Variants in ROBO1 observed in about 807,000 individuals in gnomAD.
ROBO1 encodes roundabout guidance receptor 1.
In ROBO1, 149 loss-of-function variants were observed where a neutral mutation model predicts 195.9. That is an observed-to-expected ratio of 0.76 (90% confidence interval 0.67 to 0.87). The LOEUF (loss-of-function observed/expected upper bound fraction) is 0.87, where lower values mean the gene tolerates loss of function less well. Ranked by LOEUF, ROBO1 falls within the 40% of genes least tolerant of loss-of-function variation. The pLI is 0.00. For missense variants in ROBO1, 1,933 were observed against 2,068.3 expected (o/e 0.93, Z 1.27); for synonymous variants, 816 against 733.2 (o/e 1.11, Z -1.82).
chr3:79,577,777 T>C (rs1943538892), intron 2 of ROBO1, among the ~76,000 whole-genome samples: 2 of 150,160 alleles, frequency 1.3e-5, no homozygotes, highest in African/African-American at 4.9e-5. Flanking sequence ...CTGGGCATGG[T>C]GGCGGGAGCC....
intron 4 of ROBO1, among the ~76,000 whole-genome samples, chr3:78,854,166 C>T (rs986804514): frequency 2.2e-4 from 33 of 151,476 alleles, no homozygotes; most frequent in Admixed American, 6.6e-4. Flanking sequence ...GTGGGCATGC[C>T]CTGTAAATTT....
chr3:78,884,524 G>C (rs331188), intron 4 of ROBO1, among the ~76,000 whole-genome samples: 47,325 of 150,600 alleles, frequency 0.31, 7,631 homozygotes, highest in Middle Eastern at 0.36. Flanking sequence ...GACTGAGATG[G>C]GAGGATTGCC....
intron 2 of ROBO1, among the ~76,000 whole-genome samples, chr3:79,229,783 T>A (rs2082289822): frequency 1.3e-5 from 2 of 152,128 alleles, no homozygotes; most frequent in Non-Finnish European, 2.9e-5. Context: ...AAAGGCAATT[T>A]TTAGCTTCTT....
intron 3 of ROBO1, among the ~76,000 whole-genome samples, chr3:78,942,387 A>G (rs1185732389): frequency 2.0e-5 from 3 of 152,200 alleles, no homozygotes; most frequent in East Asian, 1.9e-4. Context: ...CAAGATATTA[A>G]TTCATAAAAT....
At chr3:78,847,700 C>T (rs578173097) in intron 4 of ROBO1, among the ~76,000 whole-genome samples, 84 of 152,136 alleles carry the variant, frequency 5.5e-4, no homozygotes, top group African/African-American at 9.6e-4. Flanking sequence ...CCTATTATTA[C>T]GATTATTTTA....
chr3:79,287,025 CT>C (rs1418789091), intron 2 of ROBO1, among the ~76,000 whole-genome samples: 1 of 152,022 alleles, frequency 6.6e-6, no homozygotes, highest in Admixed American at 6.6e-5. Flanking sequence ...CATATATGTC[CT>C]TTTGTGTGTC....
intron 2 of ROBO1, among the ~76,000 whole-genome samples, chr3:79,140,750 CA>C (rs1345568424): frequency 1.3e-5 from 2 of 152,140 alleles, no homozygotes; most frequent in African/African-American, 4.8e-5. Context: ...AATAATGCAT[CA>C]GTTAAAATTC....
chr3:78,860,168 T>C (rs1392256393), intron 4 of ROBO1, among the ~76,000 whole-genome samples: 1 of 150,696 alleles, frequency 6.6e-6, no homozygotes, highest in Admixed American at 6.6e-5. Context: ...GATAGATAGA[T>C]AGATAGATAG....
chr3:79,148,347 AGGAGCT>A (rs1487296157), intron 2 of ROBO1, among the ~76,000 whole-genome samples: 1 of 151,854 alleles, frequency 6.6e-6, no homozygotes, highest in Non-Finnish European at 1.5e-5. Context: ...TAAAAATTAA[AGGAGCT>A]GGGAGAGGTG....
At chr3:79,481,696 T>C (rs2107383028) in intron 2 of ROBO1, among the ~76,000 whole-genome samples, 1 of 152,308 alleles carries the variant, frequency 6.6e-6, no homozygotes, top group Non-Finnish European at 1.5e-5. Flanking sequence ...TGATCTCTAG[T>C]TGTCATTTTG....
chr3:78,695,418 G>T (rs573807470), intron 8 of ROBO1, among the ~76,000 whole-genome samples: 1 of 152,168 alleles, frequency 6.6e-6, no homozygotes, highest in East Asian at 1.9e-4. Context: ...GAAGTCAGGA[G>T]ATCGAGACCA....
At chr3:78,952,802 G>T (rs371003586) in intron 3 of ROBO1, among the ~76,000 whole-genome samples, 5 of 151,878 alleles carry the variant, frequency 3.3e-5, no homozygotes, top group Non-Finnish European at 7.4e-5. Flanking sequence ...ATGCCATTTC[G>T]CTCAGCTACT....
chr3:79,391,559 ACTAT>A (rs2036951749), intron 2 of ROBO1, among the ~76,000 whole-genome samples: 1 of 152,010 alleles, frequency 6.6e-6, no homozygotes, highest in Non-Finnish European at 1.5e-5. Flanking sequence ...CCATCCCAAC[ACTAT>A]CTTTTATCTC....
chr3:79,556,698 T>C (rs895431575), intron 2 of ROBO1, among the ~76,000 whole-genome samples: 1 of 151,986 alleles, frequency 6.6e-6, no homozygotes, highest in South Asian at 2.1e-4. Context: ...ATATAAAAAT[T>C]AGTAAAACAC....
chr3:79,059,410 C>T (rs1007444778), intron 3 of ROBO1, among the ~76,000 whole-genome samples: 4 of 151,962 alleles, frequency 2.6e-5, no homozygotes, highest in African/African-American at 9.7e-5. Flanking sequence ...GTTTAATCGG[C>T]TTATCTTTAC....
intron 1 of ROBO1, among the ~76,000 whole-genome samples, chr3:79,646,813 G>A (rs970966851): frequency 3.3e-5 from 5 of 152,050 alleles, no homozygotes; most frequent in African/African-American, 1.2e-4. Context: ...AAGCACAGAA[G>A]ACAAATATCA....
intron 2 of ROBO1, among the ~76,000 whole-genome samples, chr3:79,447,152 T>A (rs1379875111): frequency 6.6e-6 from 1 of 152,012 alleles, no homozygotes; most frequent in Non-Finnish European, 1.5e-5. Context: ...TGATTACAGG[T>A]GTGAGCCACT....
intron 2 of ROBO1, among the ~76,000 whole-genome samples, chr3:79,468,803 G>A (rs77398203): frequency 0.011 from 1,628 of 152,196 alleles, 29 homozygotes; most frequent in African/African-American, 0.037. Flanking sequence ...TGATTGCTTA[G>A]GGAAGCTCTT....
intron 5 of ROBO1, among the ~76,000 whole-genome samples, chr3:78,725,800 C>T (rs1576029199): frequency 6.6e-6 from 1 of 152,000 alleles, no homozygotes; most frequent in African/African-American, 2.4e-5. Context: ...TTGGGTTATC[C>T]GAGAGTACAC....
Sources: gnomAD v4.1 joint callset for allele counts (sites outside exome capture counted in the v4.1 genomes callset) on GRCh38, gnomAD v4.1.1 for gene constraint, MANE v1.5 for transcripts, NCBI Gene and HGNC (gene_info 2026-07-23, HGNC 2026-07-21) for gene names.